FABP12: variants seen among roughly 807,000 people sequenced by gnomAD.
FABP12 encodes fatty acid binding protein 12.
FABP12 carries 19 observed loss-of-function variants against 13.7 expected under a neutral mutation model. The observed-to-expected ratio is 1.39, with a 90% CI of 0.97 to 2.04. FABP12 has a LOEUF of 2.04. Among genes scored for constraint, FABP12 ranks in the 30% most tolerant of loss-of-function variants. FABP12 has a pLI of 0.00. For missense variants in FABP12, 182 were observed against 164.2 expected (o/e 1.11, Z -0.59); for synonymous variants, 61 against 57.0 (o/e 1.07, Z -0.32).
At chr8:81,551,890 C>A (rs1412180360) in intron 1 of FABP12, among the ~76,000 whole-genome samples, 3 of 152,054 alleles carry the variant, frequency 2.0e-5, no homozygotes, top group African/African-American at 7.2e-5. Flanking sequence ...TTCATTCATT[C>A]ATGTATTAAT....
intron 2 of FABP12, 43 bp downstream of exon 2, chr8:81,531,200 G>T: frequency 7.4e-7 from 1 of 1,348,932 alleles, no homozygotes; most frequent in Non-Finnish European, 1.1e-6. Context: ...CTATCAAAAT[G>T]CCCATTTTTA....
intron 1 of FABP12, among the ~76,000 whole-genome samples, chr8:81,571,357 T>C (rs7010208): frequency 0.7 from 106,593 of 152,068 alleles, 37,856 homozygotes; most frequent in Admixed American, 0.76. Context: ...GTCATCCCGA[T>C]GTGGAGTGGA....
intron 1 of FABP12, among the ~76,000 whole-genome samples, chr8:81,583,570 C>T (rs550114561): frequency 1.3e-5 from 2 of 152,096 alleles, no homozygotes; most frequent in Admixed American, 1.3e-4. Flanking sequence ...AATGACTACA[C>T]ACTAAAAAAC....
intron 1 of FABP12, among the ~76,000 whole-genome samples, chr8:81,552,268 G>A (rs917952438): frequency 3.3e-5 from 5 of 152,178 alleles, no homozygotes; most frequent in Non-Finnish European, 7.4e-5. Flanking sequence ...AGCACAGGGT[G>A]TGAGAAACAG....
At chr8:81,576,885 A>C (rs1810056462) in intron 1 of FABP12, among the ~76,000 whole-genome samples, 1 of 152,206 alleles carries the variant, frequency 6.6e-6, no homozygotes, top group Non-Finnish European at 1.5e-5. Context: ...AGAGAATTTT[A>C]GACTCACACT....
intron 1 of FABP12, among the ~76,000 whole-genome samples, chr8:81,572,731 T>G (rs1809958521): frequency 1.3e-5 from 2 of 152,262 alleles, no homozygotes; most frequent in Non-Finnish European, 2.9e-5. Context: ...CATATGTTTA[T>G]TGGCCATTTG....
intron 1 of FABP12, among the ~76,000 whole-genome samples, chr8:81,564,643 G>A (rs1254366537): frequency 2.0e-5 from 3 of 152,008 alleles, no homozygotes; most frequent in Admixed American, 2.0e-4. Context: ...GTTATAAGGT[G>A]TTATTTGCAA....
At chr8:81,541,469 A>C (rs1321594800) in intron 1 of FABP12, among the ~76,000 whole-genome samples, 1 of 151,886 alleles carries the variant, frequency 6.6e-6, no homozygotes, top group Non-Finnish European at 1.5e-5. Context: ...TACTTTTGAG[A>C]CCCCCACGCT....
intron 1 of FABP12, among the ~76,000 whole-genome samples, chr8:81,540,701 A>G (rs996669138): frequency 2.6e-5 from 4 of 152,210 alleles, no homozygotes; most frequent in African/African-American, 9.6e-5. Flanking sequence ...CAAATGGAGA[A>G]ATCCAAATAA....
At chr8:81,572,356 T>C (rs1350297203) in intron 1 of FABP12, among the ~76,000 whole-genome samples, 1 of 152,214 alleles carries the variant, frequency 6.6e-6, no homozygotes, top group African/African-American at 2.4e-5. Flanking sequence ...CACTCATTGA[T>C]TGATGGGCAT....
chr8:81,581,207 G>T (rs1810155869), intron 1 of FABP12, among the ~76,000 whole-genome samples: 1 of 152,170 alleles, frequency 6.6e-6, no homozygotes, highest in African/African-American at 2.4e-5. Flanking sequence ...ACTCTTAAAG[G>T]CTCTTATGCC....
At chr8:81,569,168 C>A (rs1056317878) in intron 1 of FABP12, among the ~76,000 whole-genome samples, 2 of 151,922 alleles carry the variant, frequency 1.3e-5, no homozygotes, top group African/African-American at 4.8e-5. Context: ...CCCCCTTAAC[C>A]CTGATGTAAT....
chr8:81,584,481 C>A (rs957706003), intron 1 of FABP12, among the ~76,000 whole-genome samples: 5 of 152,184 alleles, frequency 3.3e-5, no homozygotes, highest in African/African-American at 1.2e-4. Flanking sequence ...ACAGGCAAAT[C>A]CCACAGTCCT....
chr8:81,574,466 T>C (rs918567974), intron 1 of FABP12, among the ~76,000 whole-genome samples: 1 of 152,152 alleles, frequency 6.6e-6, no homozygotes, highest in East Asian at 1.9e-4. Flanking sequence ...GCTGGCTTCA[T>C]AGAATAAATT....
intron 1 of FABP12, among the ~76,000 whole-genome samples, chr8:81,565,148 T>C (rs762832491): frequency 2.0e-5 from 3 of 152,012 alleles, no homozygotes; most frequent in African/African-American, 4.8e-5. Context: ...ACATTTTAAA[T>C]ATATATGCAA....
intron 1 of FABP12, among the ~76,000 whole-genome samples, chr8:81,566,214 G>A (rs1240771322): frequency 6.6e-6 from 1 of 151,832 alleles, no homozygotes; most frequent in Admixed American, 6.5e-5. Flanking sequence ...ACCCGATGGT[G>A]TCACTGTGAA....
rs1810052112 is a variant in FABP12, at chr8:81,576,653, C to A, written c.-185+13400G>T. Among the ~76,000 whole-genome samples the A allele has an allele frequency of 2.6e-5, 4 of 152,218 alleles. No homozygotes were observed. In the South Asian group the frequency reaches 8.3e-4, roughly 32 times the overall value. Reference sequence around the variant, plus strand: ...ATTGTTTCCTTTTTTAACAGAATAGCCATTTCACATTCAGTTAAATGGATA... The same window carrying A: ...ATTGTTTCCTTTTTTAACAGAATAGACATTTCACATTCAGTTAAATGGATA... On this transcript the variant is annotated intron_variant, in intron 1 of 5. Coordinates refer to the FABP12 transcript ENST00000692030.
intron 1 of FABP12, among the ~76,000 whole-genome samples, chr8:81,545,741 A>G (rs912108991): frequency 1.1e-4 from 16 of 152,202 alleles, no homozygotes; most frequent in African/African-American, 3.9e-4. Context: ...GATTCCAAAT[A>G]GTGTTTTAAA....
At chr8:81,576,187 G>A (rs945367366) in intron 1 of FABP12, among the ~76,000 whole-genome samples, 2 of 151,922 alleles carry the variant, frequency 1.3e-5, no homozygotes, top group African/African-American at 2.4e-5. Context: ...ATGATATAAC[G>A]ATAGTGATAA....
Sources: allele counts gnomAD v4.1 joint callset (sites outside exome capture counted in the v4.1 genomes callset), GRCh38; gene constraint gnomAD v4.1.1; transcripts MANE v1.5; gene names NCBI Gene and HGNC (gene_info 2026-07-23, HGNC 2026-07-21).